TNC: variants seen among roughly 807,000 people sequenced by gnomAD.
The protein encoded by TNC is tenascin C, also known as tenascin.
In TNC, 109 loss-of-function variants were observed where a neutral mutation model predicts 202.4. The observed-to-expected ratio is 0.54, with a 90% CI of 0.46 to 0.63. TNC has a LOEUF of 0.63. Among genes scored for constraint, TNC ranks in the 30% least tolerant of loss-of-function variants. TNC has a pLI of 0.00. For synonymous variants in TNC, 1,007 were observed against 1,089.7 expected (o/e 0.92, Z 1.50); for missense variants, 2,756 against 2,833.3 (o/e 0.97, Z 0.62).
chr9:115,052,083 T>C (rs28572441), intron 15 of TNC, among the ~76,000 whole-genome samples: 1 of 149,472 alleles, frequency 6.7e-6, no homozygotes, highest in African/African-American at 2.4e-5. Flanking sequence ...TATATACATA[T>C]ATATATATAT....
At chr9:115,041,312 G>GGT (rs1830733644) in intron 18 of TNC, among the ~76,000 whole-genome samples, 1 of 145,820 alleles carries the variant, frequency 6.9e-6, no homozygotes, top group African/African-American at 2.6e-5. Flanking sequence ...GGAGGGGCGG[G>GGT]GGAAAACATG....
chr9:115,112,547 C>T (rs184110813), intron 1 of TNC: 30 of 152,154 alleles, frequency 2.0e-4, no homozygotes, highest in African/African-American at 5.1e-4. Context: ...AGAGGCTGCC[C>T]GTAAGCCCTT....
intron 1 of TNC, among the ~76,000 whole-genome samples, chr9:115,110,249 GA>G (rs368043224): frequency 1.8e-4 from 28 of 152,220 alleles, no homozygotes; most frequent in South Asian, 8.3e-4. Flanking sequence ...TGAACAGTAT[GA>G]ATGACAGCTG....
chr9:115,075,796 A>G (rs530625245), intron 9 of TNC, among the ~76,000 whole-genome samples: 1 of 152,242 alleles, frequency 6.6e-6, no homozygotes, highest in Non-Finnish European at 1.5e-5. Context: ...CAACAACAAC[A>G]ACAACAAACA....
At position 115,086,839 on chromosome 9, in the gene TNC, C is replaced by G; in HGVS notation, c.892G>C (p.Glu298Gln). 6.2e-7 allele frequency: 1 copy of G among 1,613,936 alleles called. No homozygotes were observed. The highest frequency in any genetic ancestry group is 2.2e-5 in the East Asian group (1 of 44,870). The change falls in exon 3 of 28, where the codon GAG becomes CAG. Residue 298 changes from glutamate (E) to glutamine (Q), a missense_variant. Physicochemically the swap from Glu to Gln is conservative, Grantham distance 29. This residue lies in a region of TNC where 2,559 missense variants were observed against 2,546.0 expected (regional missense o/e 1.01). Coordinates refer to ENST00000350763, the MANE Select transcript of TNC (RefSeq NM_002160.4). ...CYNRGRCVENECVCDEGFTGE... is the reference protein window; with the variant it reads ...CYNRGRCVENQCVCDEGFTGE... ...GTGAAACCCTCATCACACACGCACT[C>G]ATTCTCCACGCATCGTCCACGGTTG... is the stretch of plus-strand genomic sequence containing the variant.
At chr9:115,021,925 G>A (rs1829103223) in intron 27 of TNC, among the ~76,000 whole-genome samples, 1 of 152,190 alleles carries the variant, frequency 6.6e-6, no homozygotes, top group South Asian at 2.1e-4. Context: ...CTATCACAGA[G>A]CTGGGCACGT....
intron 10 of TNC, among the ~76,000 whole-genome samples, chr9:115,070,041 T>C (rs903451146): frequency 4.0e-5 from 6 of 151,890 alleles, no homozygotes; most frequent in Admixed American, 3.3e-4. Context: ...TCATACCACA[T>C]ACTTGTCTGC....
Position 115,063,961 on chromosome 9 carries a change from C to T in TNC, c.3595G>A (p.Val1199Met), listed in dbSNP as rs142473072. The T allele has an allele frequency of 4.3e-6, 7 of 1,613,970 alleles. No homozygotes were observed. The African/African-American group carries it at 5.3e-5, about 12-fold the overall frequency. Reference sequence around the variant, plus strand: ...GCCTCTACTGTGTCAGCCTCCTGCACCTGAATGAAAAAGTACTCATAGGCC... The same window carrying T: ...GCCTCTACTGTGTCAGCCTCCTGCATCTGAATGAAAAAGTACTCATAGGCC... ...EGAYEYFFIQ[V>M]QEADTVEAAQ... Residue 1199 changes from valine (V) to methionine (M), a missense_variant, in exon 12 of 28, where the codon GTG (valine) becomes ATG (methionine). Physicochemically the swap from Val to Met is conservative, Grantham distance 21. This residue lies in a region of TNC where 2,559 missense variants were observed against 2,546.0 expected (regional missense o/e 1.01). Transcript: ENST00000350763.
intron 20 of TNC, 113 bp downstream of exon 20, chr9:115,038,148 C>T: frequency 7.1e-7 from 1 of 1,403,600 alleles, no homozygotes; most frequent in South Asian, 1.5e-5. Flanking sequence ...TTCAACCTAC[C>T]CATGCATTTT....
Position 115,095,598 on chromosome 9 carries a change from ATATATATATG to A in TNC, c.-136-4454_-136-4445del, listed in dbSNP as rs1564139168. ...TATGTATATATATGTATATATATGT[ATATATATATG>A]TATATATGTATATATATATGTATAT... On this transcript the variant is annotated intron_variant, in intron 1 of 27. Transcript: ENST00000350763. 5.0e-3 allele frequency among the ~76,000 whole-genome samples: 10 copies of A among 1,996 alleles called. 2 individuals carry two copies. The highest frequency in any genetic ancestry group is 0.027 in the Admixed American group (2 of 74). 1.3% of individuals were successfully genotyped at this position (1,996 alleles called of 152,430 possible).
At chr9:115,034,431 A>G (rs1225797327) in intron 22 of TNC, among the ~76,000 whole-genome samples, 1 of 152,234 alleles carries the variant, frequency 6.6e-6, no homozygotes, top group Non-Finnish European at 1.5e-5. Flanking sequence ...GATGTCTCCA[A>G]CATGAAAGAC....
chr9:115,038,164 T>C, intron 20 of TNC, 97 bp downstream of exon 20: 1 of 1,503,730 alleles, frequency 6.7e-7, no homozygotes, highest in Non-Finnish European at 9.0e-7. Context: ...ATTTTTATCA[T>C]CCTGTACCAA....
intron 15 of TNC, among the ~76,000 whole-genome samples, chr9:115,055,216 C>G (rs1288357299): frequency 6.6e-6 from 1 of 152,118 alleles, no homozygotes; most frequent in Non-Finnish European, 1.5e-5. Context: ...TCAACCAAAG[C>G]AAGTCAGGTT....
Position 115,086,930 on chromosome 9 carries a change from C to A in TNC, c.801G>T (p.Leu267Phe), listed in dbSNP as rs778822808. 1 of 1,613,834 alleles carries A rather than the reference C, an allele frequency of 6.2e-7. No homozygotes were observed. The highest frequency in any genetic ancestry group is 8.5e-7 in the Non-Finnish European group (1 of 1,179,936). Reference protein sequence around the residue: ...SEEHGTCVDGLCVCHDGFAGD... With the variant: ...SEEHGTCVDGFCVCHDGFAGD... ...CTGCAAAGCCATCGTGGCACACACA[C>A]AAGCCATCTACACATGTGCCGTGCT... The change falls in exon 3 of 28, where the codon TTG becomes TTT. Residue 267 changes from leucine to phenylalanine, a missense_variant. This residue lies in a region of TNC where 2,559 missense variants were observed against 2,546.0 expected (regional missense o/e 1.01). Transcript: ENST00000350763.
In TNC at chr9:115,036,261, A is replaced by G; in HGVS notation, c.5513-20T>C. 6.2e-7 allele frequency: 1 copy of G among 1,613,022 alleles called. No individual in the cohort carries two copies. The highest frequency in any genetic ancestry group is 8.5e-7 in the Non-Finnish European group (1 of 1,179,190). On this transcript the variant is annotated intron_variant, in intron 20 of 27. Coordinates refer to ENST00000350763, the MANE Select transcript of TNC (RefSeq NM_002160.4). ...CTGGCACTAAACATGAAATACACAT[A>G]CCAAGGCAGTCACCTCTCACTGTCT...
At chr9:115,031,983 T>C (rs1829984170) in intron 22 of TNC, among the ~76,000 whole-genome samples, 1 of 152,170 alleles carries the variant, frequency 6.6e-6, no homozygotes, top group South Asian at 2.1e-4. Context: ...ACTCCAGGGC[T>C]AAGGCTACCA....
At chr9:115,102,113 C>T (rs773793112) in intron 1 of TNC, among the ~76,000 whole-genome samples, 6 of 152,264 alleles carry the variant, frequency 3.9e-5, no homozygotes, top group Admixed American at 1.3e-4. Flanking sequence ...GGCATAGAGT[C>T]TTTACATGGC....
rs1485804758 is a variant in TNC at position 115,031,664 on chromosome 9, T to A, written c.5809A>T (p.Thr1937Ser). 3.7e-6 allele frequency: 6 copies of A among 1,610,344 alleles called. No homozygotes were observed. The highest frequency in any genetic ancestry group is 4.2e-6 in the Non-Finnish European group (5 of 1,178,534). ...AGGTCTGCCAGGCTGTAGGAGGTGG[T>A]ATCTGGACCCACAATGACTTCCTAA... ...TVKEVIVGPD[T>S]TSYSLADLSP... The change falls in exon 23 of 28, where the codon ACC becomes TCC. Residue 1937 changes from threonine (T) to serine (S), a missense_variant. This residue lies in a region of TNC where 2,559 missense variants were observed against 2,546.0 expected (regional missense o/e 1.01). Coordinates refer to ENST00000350763, the MANE Select transcript of TNC (RefSeq NM_002160.4).
At chr9:115,081,706 C>A in intron 6 of TNC, 66 bp downstream of exon 6, 1 of 1,578,630 alleles carries the variant, frequency 6.3e-7, no homozygotes, top group South Asian at 1.1e-5. Flanking sequence ...GGCACTTTCT[C>A]AACCAGGAGG....
Sources: allele counts gnomAD v4.1 joint callset (sites outside exome capture counted in the v4.1 genomes callset), GRCh38; gene constraint gnomAD v4.1.1; regional missense constraint gnomAD v4.1.1; transcripts MANE v1.5; gene names NCBI Gene and HGNC (gene_info 2026-07-23, HGNC 2026-07-21).